Variants in CYP4F2 observed in about 807,000 individuals in gnomAD.
CYP4F2 encodes cytochrome P450 4F2.
A neutral mutation model predicts 58.9 loss-of-function variants in CYP4F2; 58 were observed. The ratio of observed to expected loss-of-function variants is 0.98; its 90% confidence interval spans 0.80 to 1.23. The LOEUF is 1.23. Among genes scored for constraint, CYP4F2 ranks in the 50% most tolerant of loss-of-function variants. CYP4F2 has a pLI of 0.00. For synonymous variants in CYP4F2, 287 were observed against 261.1 expected (o/e 1.10, Z -0.95); for missense variants, 616 against 685.6 (o/e 0.90, Z 1.13).
At chr19:15,895,978 A>G (rs147844557) in intron 2 of CYP4F2, among the ~76,000 whole-genome samples, 4 of 151,834 alleles carry the variant, frequency 2.6e-5, no homozygotes, top group African/African-American at 9.7e-5. Context: ...TACTCTATCT[A>G]CCCATCCATC....
intron 9 of CYP4F2, among the ~76,000 whole-genome samples, chr19:15,885,173 C>A (rs1302093718): frequency 1.3e-5 from 2 of 151,642 alleles, no homozygotes; most frequent in African/African-American, 4.9e-5. Context: ...CCCAGGCAGT[C>A]TTCTTGACCT....
Position 15,878,735 on chromosome 19 carries a change from T to C in CYP4F2, c.*36A>G, listed in dbSNP as rs376830910. On this transcript the variant is annotated 3_prime_UTR_variant, in exon 13 of 13. Coordinates refer to ENST00000221700, the MANE Select transcript of CYP4F2 (RefSeq NM_001082.5). ...GGCTTCACTTTTGATGAATCAGGGG[T>C]CATTTTAGTGGGGTCAGAGTGGGTC... The C allele has an allele frequency of 1.3e-5, 21 of 1,607,612 alleles. No homozygotes were observed. Among genetic ancestry groups the C allele is most frequent in the African/African-American group, 6.7e-5 (5 of 74,724 alleles).
In CYP4F2 at chr19:15,895,579, G is replaced by A; in HGVS notation, c.270C>T (p.Val90=). 6.3e-7 allele frequency: 1 copy of A among 1,588,586 alleles called. No homozygotes were observed. The highest frequency in any genetic ancestry group is 8.5e-7 in the Non-Finnish European group (1 of 1,169,852). The change falls in exon 3 of 13, where the codon GTC becomes GTT. Residue 90 remains valine, a synonymous_variant. Coordinates refer to ENST00000221700, the MANE Select transcript of CYP4F2 (RefSeq NM_001082.5). ...GGAGGGGGGAGATGGGTCCCATCCA[G>A]ACCTTAAAGCCCTGGGGGTAGGTGG... is the stretch of plus-strand genomic sequence containing the variant. ...LVATYPQGFK[V]WMGPISPLLS...
chr19:15,885,310 G>A (rs769260366), intron 9 of CYP4F2, among the ~76,000 whole-genome samples: 3 of 152,140 alleles, frequency 2.0e-5, no homozygotes, highest in African/African-American at 7.2e-5. Flanking sequence ...CATGTGGGCT[G>A]GGAGTGTCCT....
At chr19:15,881,553 T>G (rs2089344806) in intron 9 of CYP4F2, among the ~76,000 whole-genome samples, 1 of 148,484 alleles carries the variant, frequency 6.7e-6, no homozygotes, top group African/African-American at 2.5e-5. Flanking sequence ...TATAGATACA[T>G]AGATAGATGA....
intron 5 of CYP4F2, 115 bp from the exon 6 acceptor site, chr19:15,890,548 G>A: frequency 6.7e-7 from 1 of 1,492,394 alleles, no homozygotes; most frequent in Non-Finnish European, 8.9e-7. Flanking sequence ...TCTCCCCAGG[G>A]ACCCCTCCCC....
At chr19:15,889,834 G>A (rs760861806) in intron 6 of CYP4F2, 141 bp from the exon 7 acceptor site, 226 of 1,302,682 alleles carry the variant, frequency 1.7e-4, no homozygotes, top group Non-Finnish European at 2.4e-4. Flanking sequence ...ACAGGGTGGG[G>A]ATCAGCATGA....
At chr19:15,893,444 A>G (rs1158426291) in intron 3 of CYP4F2, among the ~76,000 whole-genome samples, 1 of 152,180 alleles carries the variant, frequency 6.6e-6, no homozygotes, top group African/African-American at 2.4e-5. Context: ...CCAGCTCTAC[A>G]TGACCCCAGT....
At chr19:15,887,172 C>T (rs1023038431) in intron 7 of CYP4F2, among the ~76,000 whole-genome samples, 1 of 151,312 alleles carries the variant, frequency 6.6e-6, no homozygotes. Flanking sequence ...TAAACATAGA[C>T]ATAACACAGA....
Position 15,885,912 on chromosome 19 carries a change from A to C in CYP4F2, c.1115+12T>G. 1 of 1,612,212 alleles carries C rather than the reference A, an allele frequency of 6.2e-7. No homozygotes were observed. Among genetic ancestry groups the C allele is most frequent in the Non-Finnish European group, 8.5e-7 (1 of 1,178,894 alleles). On this transcript the variant is annotated intron_variant, in intron 9 of 12. Coordinates refer to ENST00000221700, the MANE Select transcript of CYP4F2 (RefSeq NM_001082.5). ...AAGGTCTCAGGAAGAGGCCACAAGC[A>C]CCTGCACTCACCATTCAATCTCTTT... is the stretch of plus-strand genomic sequence containing the variant.
At chr19:15,890,183 C>T (rs2089407964) in intron 6 of CYP4F2, 129 bp downstream of exon 6, 3 of 1,468,382 alleles carry the variant, frequency 2.0e-6, no homozygotes, top group Non-Finnish European at 2.8e-6. Context: ...TCATACCAGT[C>T]CTTCAATGAT....
chr19:15,879,593 G>A lies in CYP4F2; in HGVS notation c.1314+11C>T, dbSNP rs958757974. The A allele has an allele frequency of 1.5e-5, 24 of 1,613,774 alleles. No homozygotes were observed. Among genetic ancestry groups the A allele is most frequent in the East Asian group, 2.2e-5 (1 of 44,870 alleles). On this transcript the variant is annotated intron_variant, in intron 11 of 12. Coordinates refer to ENST00000221700, the MANE Select transcript of CYP4F2 (RefSeq NM_001082.5). ...TTGGAATGGACAAAAACAGAGAGAGGGGCCCCGCACCTCAGGGTCCGGCCA... is the reference window on the plus strand; with the variant it reads ...TTGGAATGGACAAAAACAGAGAGAGAGGCCCCGCACCTCAGGGTCCGGCCA...
chr19:15,882,132 C>T (rs537352732), intron 9 of CYP4F2, among the ~76,000 whole-genome samples: 3 of 152,174 alleles, frequency 2.0e-5, no homozygotes, highest in Admixed American at 1.3e-4. Context: ...GTAATCCCAG[C>T]TACTCAGGAG....
chr19:15,879,476 C>A (rs1391948490), intron 11 of CYP4F2, 48 bp from the exon 12 acceptor site: 1 of 1,611,644 alleles, frequency 6.2e-7, no homozygotes, highest in East Asian at 2.2e-5. Context: ...TCCCAGTCCG[C>A]CAGCCTTGGA....
At chr19:15,897,816 G>T in intron 1 of CYP4F2, 1 of 587,108 alleles carries the variant, frequency 1.7e-6, no homozygotes, top group Non-Finnish European at 3.0e-6. Flanking sequence ...TCCCTAGTAA[G>T]CACTTAGAAT....
intron 7 of CYP4F2, among the ~76,000 whole-genome samples, chr19:15,886,673 T>C (rs2089382143): frequency 6.6e-6 from 1 of 152,236 alleles, no homozygotes; most frequent in African/African-American, 2.4e-5. Flanking sequence ...GCCCACATTC[T>C]AGAGTGATAA....
chr19:15,890,491 C>T, intron 5 of CYP4F2, 58 bp from the exon 6 acceptor site: 1 of 1,599,152 alleles, frequency 6.3e-7, no homozygotes, highest in Non-Finnish European at 8.5e-7. Context: ...AGCACCTCTC[C>T]AACCCCAACT....
At position 15,884,426 on chromosome 19, in the gene CYP4F2, G is replaced by A. The variant is rs3093179; in HGVS notation, c.1115+1498C>T. Among the ~76,000 whole-genome samples, 500 of 152,186 alleles carry A rather than the reference G, an allele frequency of 3.3e-3. 3 individuals are homozygous for A. Among genetic ancestry groups the A allele is most frequent in the African/African-American group, 0.011 (472 of 41,512 alleles). On this transcript the variant is annotated intron_variant, in intron 9 of 12. Transcript: ENST00000221700. The stretch of plus-strand genomic sequence containing the variant: ...AAACCTAGCACTTGATAGATCAGTG[G>A]GTTCACTATAGTTTACGATATGTAC...
rs527259127 is a variant in CYP4F2 at position 15,886,040 on chromosome 19, C to A, written c.999G>T (p.Thr333=). The A allele has an allele frequency of 3.1e-6, 5 of 1,613,710 alleles. No individual in the cohort carries two copies. The highest frequency in any genetic ancestry group is 2.5e-6 in the Non-Finnish European group (3 of 1,179,850). ...ACAGGACCCAGGAGAGACCACTGGCCGTGGTGTCATGGCCTGGGGGGCAGC... is the reference window on the plus strand; with the variant it reads ...ACAGGACCCAGGAGAGACCACTGGCAGTGGTGTCATGGCCTGGGGGGCAGC... ...DTFMFEGHDT[T]ASGLSWVLYH... The change falls in exon 9 of 13, where the codon ACG becomes ACT. Residue 333 remains threonine, a synonymous_variant. Transcript: ENST00000221700.
Sources: allele counts gnomAD v4.1 joint callset (sites outside exome capture counted in the v4.1 genomes callset), GRCh38; gene constraint gnomAD v4.1.1; transcripts MANE v1.5; gene names NCBI Gene and HGNC (gene_info 2026-07-23, HGNC 2026-07-21).